The following CNIH4 variants were observed in gnomAD, a reference collection of about 807,000 sequenced individuals.
CNIH4 encodes cornichon family member 4.
In CNIH4, 9 loss-of-function variants were observed where a neutral mutation model predicts 21.5. The ratio of observed to expected loss-of-function variants is 0.42; its 90% CI spans 0.25 to 0.73. The LOEUF is 0.73. Ranked by LOEUF, CNIH4 falls within the 30% of genes least tolerant of loss-of-function variation. The pLI, the probability that CNIH4 is intolerant of heterozygous loss-of-function variation, is 0.27. For synonymous variants in CNIH4, 67 were observed against 59.1 expected, an observed-to-expected ratio of 1.13 and a Z score of -0.61; for missense variants, 159 against 170.0, an observed-to-expected ratio of 0.94 and a Z score of 0.36.
At position 224,376,550 on chromosome 1, in the gene CNIH4, A is replaced by T; in HGVS notation, c.*728A>T. The T allele has an allele frequency of 1.0e-6, 1 of 985,460 alleles. No individual in the cohort carries two copies. The highest frequency in any genetic ancestry group is 1.2e-6 in the Non-Finnish European group (1 of 829,932). 61.0% of individuals were successfully genotyped at this position (985,460 alleles called of 1,614,324 possible). A position where few individuals can be genotyped will look rare whatever the true frequency, so the allele number is the denominator to read the frequency against. ...CCAGTCTGGTTTTCGTATTGCAGTT[A>T]TTCCAATTGTATTTGATCTCCCTGA... is the stretch of plus-strand genomic sequence containing the variant. On this transcript the variant is annotated 3_prime_UTR_variant, in exon 5 of 5. Coordinates refer to ENST00000465271, the MANE Select transcript of CNIH4 (RefSeq NM_014184.4).
At chr1:224,361,449 T>C (rs1426937845) in intron 2 of CNIH4, among the ~76,000 whole-genome samples, 1 of 151,794 alleles carries the variant, frequency 6.6e-6, no homozygotes, top group African/African-American at 2.4e-5. Flanking sequence ...TTTTGTAGAC[T>C]GGGTCTTGCT....
At chr1:224,359,948 A>G (rs568751052) in intron 1 of CNIH4, among the ~76,000 whole-genome samples, 1 of 152,322 alleles carries the variant, frequency 6.6e-6, no homozygotes, top group South Asian at 2.1e-4. Context: ...CCTGGCTAAC[A>G]TAGTGAAACC....
intron 1 of CNIH4, chr1:224,357,220 G>A (rs1019707994): frequency 1.1e-5 from 5 of 465,278 alleles, no homozygotes; most frequent in African/African-American, 8.3e-5. Context: ...GCCCTGCCTG[G>A]GTTGCCGGCC....
intron 1 of CNIH4, 87 bp from the exon 2 acceptor site, chr1:224,360,408 T>C (rs1672245055): frequency 1.5e-6 from 1 of 648,622 alleles, no homozygotes; most frequent in Admixed American, 3.7e-5. Flanking sequence ...CAAATCTAAT[T>C]CTGCCTTGTA....
At chr1:224,364,904 G>A (rs1157615592) in intron 2 of CNIH4, among the ~76,000 whole-genome samples, 1 of 150,880 alleles carries the variant, frequency 6.6e-6, no homozygotes, top group Non-Finnish European at 1.5e-5. Context: ...CTGCACTCCA[G>A]CCTGGCGACA....
In CNIH4 at chr1:224,376,056, T is replaced by G. The variant is rs572573232; in HGVS notation, c.*234T>G. 1 of 1,234,216 alleles carries G rather than the reference T, an allele frequency of 8.1e-7. No homozygotes were observed. Among genetic ancestry groups the G allele is most frequent in the Admixed American group, 4.0e-5 (1 of 24,940 alleles). 76.5% of individuals were successfully genotyped at this position (1,234,216 alleles called of 1,614,324 possible). A position where few individuals can be genotyped will look rare whatever the true frequency, so the allele number is the denominator to read the frequency against. ...TGAACGCCAACACTTGAAGGTGTTT[T>G]TCATCCTCTGTATGTTGAAGGTGGT... On this transcript the variant is annotated 3_prime_UTR_variant, in exon 5 of 5. Coordinates refer to ENST00000465271, the MANE Select transcript of CNIH4 (RefSeq NM_014184.4).
chr1:224,366,879 C>T (rs1019859886), intron 3 of CNIH4, among the ~76,000 whole-genome samples: 9 of 150,824 alleles, frequency 6.0e-5, no homozygotes, highest in Non-Finnish European at 1.2e-4. Context: ...GGGAGAATGG[C>T]GTGAAGCCGG....
At chr1:224,375,580 A>G (rs1672758513) in intron 4 of CNIH4, among the ~76,000 whole-genome samples, 1 of 151,854 alleles carries the variant, frequency 6.6e-6, no homozygotes, top group African/African-American at 2.4e-5. Context: ...TTTAAGTTGT[A>G]CTTCCCCCAA....
chr1:224,360,447 CTTAG>C (rs897608033), intron 1 of CNIH4, 44 bp from the exon 2 acceptor site: 2 of 954,406 alleles, frequency 2.1e-6, no homozygotes, highest in Admixed American at 3.0e-5. Context: ...AACTTAAATA[CTTAG>C]TTATTATAAA....
chr1:224,362,240 C>A (rs866928609), intron 2 of CNIH4, among the ~76,000 whole-genome samples: 1 of 151,850 alleles, frequency 6.6e-6, no homozygotes, highest in Non-Finnish European at 1.5e-5. Flanking sequence ...ACCACCACGC[C>A]CGGCTAATTT....
intron 2 of CNIH4, chr1:224,363,999 G>A: frequency 9.4e-6 from 9 of 961,466 alleles, no homozygotes; most frequent in Non-Finnish European, 1.1e-5. Flanking sequence ...AACAAATTCG[G>A]GGAAGGGCAT....
intron 1 of CNIH4, among the ~76,000 whole-genome samples, chr1:224,358,659 T>A (rs1672186375): frequency 6.6e-6 from 1 of 152,246 alleles, no homozygotes; most frequent in Non-Finnish European, 1.5e-5. Flanking sequence ...TCTTCCAGTG[T>A]GGCCCAGGGA....
chr1:224,372,564 G>GT lies in CNIH4; in HGVS notation c.392+1151dup, dbSNP rs965162213. On this transcript the variant is annotated intron_variant, in intron 4 of 4. Transcript: ENST00000465271. ...TAGAAACTGTATAGAGATAGCAGGG[G>GT]TTTTTTTTTTGTTTGTTTTGTTTTG... Among the ~76,000 whole-genome samples the GT allele has an allele frequency of 3.3e-3, 485 of 147,142 alleles. 2 individuals are homozygous for GT. Among genetic ancestry groups the GT allele is most frequent in the African/African-American group, 9.8e-3 (394 of 40,156 alleles).
Position 224,376,179 on chromosome 1 carries a change from G to A in CNIH4, c.*357G>A. ...CAAACTGAAGAGATGAGCGAGCAAA[G>A]GTGCCCTTCAGGTCTACTGAAAAGT... On this transcript the variant is annotated 3_prime_UTR_variant, in exon 5 of 5. Transcript: ENST00000465271. 9.8e-7 allele frequency: 1 copy of A among 1,017,980 alleles called. No homozygotes were observed. The highest frequency in any genetic ancestry group is 4.5e-5 in the South Asian group (1 of 22,142). The allele number at this position is 1,017,980 out of a possible 1,614,324, so 63.1% of individuals were successfully genotyped here. A position where few individuals can be genotyped will look rare whatever the true frequency, so the allele number is the denominator to read the frequency against.
In CNIH4 at chr1:224,376,193, C is replaced by T; in HGVS notation, c.*371C>T. The T allele has an allele frequency of 4.0e-6, 4 of 1,006,802 alleles. No homozygotes were observed. The highest frequency in any genetic ancestry group is 4.7e-6 in the Non-Finnish European group (4 of 844,388). 62.4% of individuals were successfully genotyped at this position (1,006,802 alleles called of 1,614,324 possible). On this transcript the variant is annotated 3_prime_UTR_variant, in exon 5 of 5. Coordinates refer to ENST00000465271, the MANE Select transcript of CNIH4 (RefSeq NM_014184.4). ...GAGCGAGCAAAGGTGCCCTTCAGGT[C>T]TACTGAAAAGTTAGAGTACAAAACA...
rs143487399 is a variant in CNIH4, at chr1:224,371,352, G to C, written c.321G>C (p.Leu107=). ...DPTEIHNRGQ[L]KSHMKEAMIK... ...CAGAAATACACAATCGAGGGCAGCT[G>C]AAGTCACACATGAAAGAAGCCATGA... is the stretch of plus-strand genomic sequence containing the variant. Residue 107 remains leucine, a synonymous_variant, in exon 4 of 5, where the codon CTG becomes CTC. Transcript: ENST00000465271. 1.5e-5 allele frequency: 24 copies of C among 1,614,042 alleles called. No individual in the cohort carries two copies. The highest frequency in any genetic ancestry group is 1.9e-5 in the Non-Finnish European group (22 of 1,180,020).
chr1:224,358,582 A>AT (rs138005081), intron 1 of CNIH4, among the ~76,000 whole-genome samples: 9,664 of 151,698 alleles, frequency 0.064, 386 homozygotes, highest in South Asian at 0.16. Flanking sequence ...TTTTTTGGTG[A>AT]TTTTTTTTTA....
chr1:224,361,408 G>A (rs1163345772), intron 2 of CNIH4, among the ~76,000 whole-genome samples: 4 of 151,716 alleles, frequency 2.6e-5, no homozygotes, highest in African/African-American at 9.7e-5. Flanking sequence ...GTGAGCCACC[G>A]TGCCCAGCCA....
chr1:224,359,188 G>A (rs1428094812), intron 1 of CNIH4, among the ~76,000 whole-genome samples: 6 of 152,220 alleles, frequency 3.9e-5, no homozygotes, highest in Admixed American at 3.3e-4. Flanking sequence ...TGAATGTTAA[G>A]GGTGGGAGGG....
Sources: allele counts gnomAD v4.1 joint callset (sites outside exome capture counted in the v4.1 genomes callset), GRCh38; gene constraint gnomAD v4.1.1; transcripts MANE v1.5; gene names NCBI Gene and HGNC (gene_info 2026-07-23, HGNC 2026-07-21).